Variants in CTNNA3 observed in about 807,000 individuals in gnomAD.
The protein encoded by CTNNA3 is catenin alpha 3, also known as catenin alpha-3.
Under a neutral mutation model 95.7 loss-of-function variants are expected in CTNNA3, and 76 were observed. That is an observed-to-expected ratio of 0.79 (90% CI 0.66 to 0.96). CTNNA3 has a LOEUF of 0.96. Among genes scored for constraint, CTNNA3 ranks in the 40% least tolerant of loss-of-function variants. CTNNA3 has a pLI of 0.00. For missense variants in CTNNA3, 1,191 were observed against 1,089.8 expected, an observed-to-expected ratio of 1.09 and a Z score of -1.31; for synonymous variants, 431 against 374.4, an observed-to-expected ratio of 1.15 and a Z score of -1.74.
At chr10:66,249,819 A>G (rs1427172328) in intron 13 of CTNNA3, among the ~76,000 whole-genome samples, 1 of 152,138 alleles carries the variant, frequency 6.6e-6, no homozygotes, top group Admixed American at 6.6e-5. Flanking sequence ...GCGAGACTCC[A>G]TCTCAAAACA....
chr10:67,458,286 T>C (rs1470499823), intron 5 of CTNNA3, among the ~76,000 whole-genome samples: 2 of 152,020 alleles, frequency 1.3e-5, no homozygotes, highest in Non-Finnish European at 2.9e-5. Flanking sequence ...ATCATAGTAT[T>C]AGAATCAAAA....
chr10:67,386,616 C>T (rs1430133099), intron 5 of CTNNA3, among the ~76,000 whole-genome samples: 2 of 152,086 alleles, frequency 1.3e-5, no homozygotes, highest in African/African-American at 2.4e-5. Context: ...AAAAACAAAG[C>T]ACTGAGGAAG....
chr10:67,532,338 T>C (rs557444211), intron 4 of CTNNA3, among the ~76,000 whole-genome samples: 1 of 152,322 alleles, frequency 6.6e-6, no homozygotes, highest in East Asian at 1.9e-4. Flanking sequence ...ATCTGCCTTT[T>C]AAATAGAGGG....
chr10:67,601,118 T>C (rs565963817), intron 3 of CTNNA3, among the ~76,000 whole-genome samples: 7 of 152,320 alleles, frequency 4.6e-5, no homozygotes, highest in African/African-American at 1.7e-4. Context: ...TGGATATGTA[T>C]TGTTGTTAGA....
chr10:66,738,512 T>C (rs900693311), intron 9 of CTNNA3, among the ~76,000 whole-genome samples: 1 of 152,238 alleles, frequency 6.6e-6, no homozygotes, highest in African/African-American at 2.4e-5. Context: ...AAAGCAAATA[T>C]ACATTCTAGA....
At chr10:66,290,245 G>C (rs2091658223) in intron 12 of CTNNA3, among the ~76,000 whole-genome samples, 1 of 151,952 alleles carries the variant, frequency 6.6e-6, no homozygotes, top group African/African-American at 2.4e-5. Context: ...TGTGCAATAA[G>C]CTTTAAAACA....
At chr10:66,814,657 G>C (rs899059580) in intron 7 of CTNNA3, among the ~76,000 whole-genome samples, 5 of 152,034 alleles carry the variant, frequency 3.3e-5, no homozygotes, top group African/African-American at 9.7e-5. Context: ...CCAGTTATTT[G>C]AGGGGCTGAG....
At chr10:66,175,117 G>T (rs546818644) in intron 13 of CTNNA3, among the ~76,000 whole-genome samples, 6 of 151,860 alleles carry the variant, frequency 4.0e-5, no homozygotes, top group African/African-American at 1.4e-4. Flanking sequence ...ATCTTATTTT[G>T]CCCCAACAAT....
intron 7 of CTNNA3, among the ~76,000 whole-genome samples, chr10:67,132,185 T>C (rs1020454674): frequency 6.6e-6 from 1 of 152,154 alleles, no homozygotes; most frequent in Non-Finnish European, 1.5e-5. Context: ...ATGACTCTTA[T>C]GTTTCTAGCT....
At chr10:66,443,465 G>A (rs1285271954) in intron 11 of CTNNA3, among the ~76,000 whole-genome samples, 3 of 152,098 alleles carry the variant, frequency 2.0e-5, no homozygotes, top group Non-Finnish European at 4.4e-5. Context: ...AAAGCTTCCA[G>A]AGGAACGATC....
intron 5 of CTNNA3, among the ~76,000 whole-genome samples, chr10:67,414,181 C>T (rs1589267178): frequency 6.6e-6 from 1 of 151,444 alleles, no homozygotes; most frequent in South Asian, 2.1e-4. Flanking sequence ...TGGTAGAATC[C>T]CTAACTAAAT....
At chr10:66,478,773 C>T (rs867619162) in intron 11 of CTNNA3, among the ~76,000 whole-genome samples, 48 of 151,800 alleles carry the variant, frequency 3.2e-4, no homozygotes, top group African/African-American at 1.1e-3. Flanking sequence ...ACCCAACATC[C>T]ACTGGCCCAT....
In CTNNA3 at chr10:66,642,279, A is replaced by ACACACAC. The variant is rs1554828894; in HGVS notation, c.1282-20496_1282-20495insGTGTGTG. Reference sequence around the variant, plus strand: ...ATACACACACACACACACACACACAAACACACACACACACACACACACACA... The same window carrying ACACACAC: ...ATACACACACACACACACACACACAACACACACACACACACACACACACACACACACA... On this transcript the variant is annotated intron_variant, in intron 9 of 17. Transcript: ENST00000433211. 6.4e-3 allele frequency among the ~76,000 whole-genome samples: 394 copies of ACACACAC among 61,416 alleles called. 1 individual carries two copies. Among genetic ancestry groups the ACACACAC allele is most frequent in the Non-Finnish European group, 7.3e-3 (201 of 27,622 alleles). 40.3% of individuals were successfully genotyped at this position (61,416 alleles called of 152,430 possible).
intron 5 of CTNNA3, among the ~76,000 whole-genome samples, chr10:67,431,306 T>C (rs1298322239): frequency 5.9e-5 from 9 of 152,002 alleles, no homozygotes; most frequent in Non-Finnish European, 1.3e-4. Context: ...CCTTTGCAGT[T>C]TTCAGGGTCT....
intron 5 of CTNNA3, among the ~76,000 whole-genome samples, chr10:67,297,350 T>C (rs1489299893): frequency 2.0e-5 from 3 of 152,204 alleles, no homozygotes; most frequent in Admixed American, 6.5e-5. Context: ...CTAGGGACCA[T>C]CCATGAATTA....
intron 7 of CTNNA3, among the ~76,000 whole-genome samples, chr10:66,901,039 T>C (rs1225298766): frequency 6.6e-6 from 1 of 152,130 alleles, no homozygotes; most frequent in Non-Finnish European, 1.5e-5. Flanking sequence ...ACCACAAAGA[T>C]ACTCCTCGAG....
intron 14 of CTNNA3, among the ~76,000 whole-genome samples, chr10:66,085,908 T>C (rs537321559): frequency 6.6e-6 from 1 of 152,112 alleles, no homozygotes; most frequent in South Asian, 2.1e-4. Context: ...ATTCAAAACA[T>C]GTAAAACACC....
chr10:66,740,908 T>C (rs2132696507), intron 9 of CTNNA3, among the ~76,000 whole-genome samples: 1 of 152,304 alleles, frequency 6.6e-6, no homozygotes, highest in African/African-American at 2.4e-5. Context: ...AAGCTTACAA[T>C]CTAGACTGTG....
chr10:66,073,890 A>G (rs1342145153), intron 14 of CTNNA3, among the ~76,000 whole-genome samples: 6 of 152,210 alleles, frequency 3.9e-5, no homozygotes, highest in African/African-American at 1.4e-4. Flanking sequence ...AAATGCCTAA[A>G]TCATAAATGT....
Sources: gnomAD v4.1 joint callset for allele counts (sites outside exome capture counted in the v4.1 genomes callset) on GRCh38, gnomAD v4.1.1 for gene constraint, MANE v1.5 for transcripts, NCBI Gene and HGNC (gene_info 2026-07-23, HGNC 2026-07-21) for gene names.